Variants in ZNF358 observed in about 807,000 individuals in gnomAD.
ZNF358 encodes zinc finger protein 358.
ZNF358 carries 1 observed loss-of-function variant against 2.1 expected under a neutral mutation model. That is an observed-to-expected ratio of 0.49 (90% confidence interval 0.17 to 2.30). ZNF358 has a LOEUF of 2.30. Among genes scored for constraint, ZNF358 ranks in the 30% most tolerant of loss-of-function variants. The pLI is 0.26. For missense variants in ZNF358, 665 were observed against 806.8 expected (o/e 0.82, Z 2.13); for synonymous variants, 381 against 359.7 (o/e 1.06, Z -0.67).
At chr19:7,518,054 G>T (rs1029919392) in intron 1 of ZNF358, among the ~76,000 whole-genome samples, 1 of 152,212 alleles carries the variant, frequency 6.6e-6, no homozygotes, top group Non-Finnish European at 1.5e-5. Context: ...CCAGCAAGGG[G>T]GTAGGAAGCT....
At position 7,519,546 on chromosome 19, in the gene ZNF358, G is replaced by C; in HGVS notation, c.304G>C (p.Val102Leu). 1 of 1,605,474 alleles carries C rather than the reference G, an allele frequency of 6.2e-7. No homozygotes were observed. The highest frequency in any genetic ancestry group is 8.5e-7 in the Non-Finnish European group (1 of 1,179,926). The change falls in exon 2 of 2, where the codon GTA becomes CTA. Residue 102 changes from valine to leucine, a missense_variant. By Grantham distance (32) the Val-to-Leu change is conservative (BLOSUM62 1). Coordinates refer to ENST00000597229, the MANE Select transcript of ZNF358 (RefSeq NM_018083.5). ...FDLDPDVIGP[V>L]PLILDPNSDT... Reference sequence around the variant, plus strand: ...CCTCGATCCAGATGTGATTGGCCCCGTACCCCTGATTCTCGATCCTAACAG... The same window carrying C: ...CCTCGATCCAGATGTGATTGGCCCCCTACCCCTGATTCTCGATCCTAACAG...
chr19:7,517,324 G>A (rs543443758), intron 1 of ZNF358, among the ~76,000 whole-genome samples: 9 of 152,284 alleles, frequency 5.9e-5, no homozygotes, highest in African/African-American at 1.9e-4. Context: ...GCCATGGGAG[G>A]AGATGACTCA....
At chr19:7,519,176 C>A in intron 1 of ZNF358, 29 bp from the exon 2 acceptor site, 1 of 1,552,890 alleles carries the variant, frequency 6.4e-7, no homozygotes, top group Non-Finnish European at 8.7e-7. Context: ...AACCCACCTA[C>A]CCTCTACCCT....
chr19:7,517,614 C>T (rs1394034347), intron 1 of ZNF358, among the ~76,000 whole-genome samples: 3 of 152,052 alleles, frequency 2.0e-5, no homozygotes, highest in Non-Finnish European at 2.9e-5. Flanking sequence ...ACCATCCTGC[C>T]TATGGGGTTC....
At chr19:7,518,877 TA>T (rs2022400119) in intron 1 of ZNF358, among the ~76,000 whole-genome samples, 1 of 151,970 alleles carries the variant, frequency 6.6e-6, no homozygotes, top group Non-Finnish European at 1.5e-5. Flanking sequence ...CCAGCCTGTC[TA>T]ACATGCTGAA....
In ZNF358 at chr19:7,520,972, G is replaced by A. The variant is rs2022480304; in HGVS notation, c.*23G>A. On this transcript the variant is annotated 3_prime_UTR_variant, in exon 2 of 2. Coordinates refer to ENST00000597229, the MANE Select transcript of ZNF358 (RefSeq NM_018083.5). This position sits in a 1 kb window ranked among gnomAD's most constrained non-coding sequence, Gnocchi z 6.0. ...TGAAGGAGACGCCGGCATCCTCGGG[G>A]GCCTGGGGAAGTTGTGTGTTGTGCA... 1.2e-6 allele frequency: 2 copies of A among 1,606,574 alleles called. No individual in the cohort carries two copies. The highest frequency in any genetic ancestry group is 1.7e-6 in the Non-Finnish European group (2 of 1,175,438).
chr19:7,518,567 G>GAAAGAAAGAAAGAAAGAAAGA (rs2022388532), intron 1 of ZNF358, among the ~76,000 whole-genome samples: 1 of 143,002 alleles, frequency 7.0e-6, no homozygotes, highest in Non-Finnish European at 1.5e-5. Context: ...GAGAAAGAAA[G>GAAAGAAAGAAAGAAAGAAAGA]AAAGAAAGAA....
upstream of ZNF358, chr19:7,513,971 T>A (rs1309776982): frequency 6.6e-6 from 1 of 152,214 alleles, no homozygotes; most frequent in Non-Finnish European, 1.5e-5. Flanking sequence ...TTTGTTGGTT[T>A]GTGGTACAGG....
Position 7,520,573 on chromosome 19 carries a change from C to T in ZNF358, c.1331C>T (p.Ser444Phe). The change falls in exon 2 of 2, where the codon TCT becomes TTT. Residue 444 changes from serine to phenylalanine, a missense_variant. Transcript: ENST00000597229. The surrounding 1 kb of genome is among the most constrained non-coding windows in gnomAD (Gnocchi z 6.0). ...TCCCTCCTGGGTCCTGATGCTGTTT[C>T]TGTGCTCGGCTCTGGCTTGGGCCTC... ...QVSLLGPDAV[S>F]VLGSGLGLSP... 7.6e-7 allele frequency: 1 copy of T among 1,308,288 alleles called. No individual in the cohort carries two copies. The highest frequency in any genetic ancestry group is 1.1e-6 in the Non-Finnish European group (1 of 925,348). The allele number at this position is 1,308,288 out of a possible 1,614,324, so 81.0% of individuals were successfully genotyped here.
chr19:7,518,571 G>GAA (rs1304020295), intron 1 of ZNF358, among the ~76,000 whole-genome samples: 8 of 142,340 alleles, frequency 5.6e-5, no homozygotes, highest in Admixed American at 4.5e-4. Flanking sequence ...AAGAAAGAAA[G>GAA]AAAGAAAGAA....
Position 7,520,469 on chromosome 19 carries a change from TGCA to T in ZNF358, c.1230_1232del (p.Ala416del). The T allele has an allele frequency of 1.3e-5, 10 of 757,258 alleles. No homozygotes were observed. Among genetic ancestry groups the T allele is most frequent in the Non-Finnish European group, 1.9e-5 (10 of 519,574 alleles). The allele number at this position is 757,258 out of a possible 1,614,324, so 46.9% of individuals were successfully genotyped here. A position where few individuals can be genotyped will look rare whatever the true frequency, so the allele number is the denominator to read the frequency against. On this transcript the variant is annotated inframe_deletion, in exon 2 of 2. Transcript: ENST00000597229. This position sits in a 1 kb window ranked among gnomAD's most constrained non-coding sequence, Gnocchi z 6.0. ...CCGCTGCTGCAGCTGCCGCGGCCGC[TGCA>T]GCTGCAGCAGCGGCCGCCGGCCTGG...
intron 1 of ZNF358, among the ~76,000 whole-genome samples, chr19:7,517,753 C>T (rs1306040401): frequency 1.3e-5 from 2 of 152,254 alleles, no homozygotes; most frequent in South Asian, 2.1e-4. Context: ...CTGACTCCCA[C>T]CTGGAGCTGT....
intron 1 of ZNF358, among the ~76,000 whole-genome samples, chr19:7,518,557 G>GAAAGAAAGAA (rs3029870): frequency 0.012 from 1,359 of 116,146 alleles, 31 homozygotes; most frequent in East Asian, 0.048. Flanking sequence ...GAGAGAGAGA[G>GAAAGAAAGAA]AGAAAGAAAG....
rs572380922 is a variant in ZNF358, at chr19:7,516,472, C to T, written c.-39+223C>T. On this transcript the variant is annotated intron_variant, in intron 1 of 1. Transcript: ENST00000597229. This position sits in a 1 kb window ranked among gnomAD's most constrained non-coding sequence, Gnocchi z 5.9. ...GCGCACCCATCCCGCCGCTGGGGCC[C>T]GGGGGGAAAGGGCCAGGAGGTTGGG... Among the ~76,000 whole-genome samples, 6 of 139,674 alleles carry T rather than the reference C, an allele frequency of 4.3e-5. No individual in the cohort carries two copies. The South Asian group carries it at 6.8e-4, about 16-fold the overall frequency. 91.6% of individuals were successfully genotyped at this position (139,674 alleles called of 152,430 possible). A position where few individuals can be genotyped will look rare whatever the true frequency, so the allele number is the denominator to read the frequency against.
Position 7,516,785 on chromosome 19 carries a change from G to A in ZNF358, c.-39+536G>A, listed in dbSNP as rs551708814. 2.2e-4 allele frequency among the ~76,000 whole-genome samples: 34 copies of A among 152,116 alleles called. No individual in the cohort carries two copies. The highest frequency in any genetic ancestry group is 3.8e-4 in the Non-Finnish European group (26 of 67,940). Reference sequence around the variant, plus strand: ...TCCTTTCCCTGGAGGTGATCCAGGGGTCCACCTGCCCTCACCCCTGGGAAC... The same window carrying A: ...TCCTTTCCCTGGAGGTGATCCAGGGATCCACCTGCCCTCACCCCTGGGAAC... On this transcript the variant is annotated intron_variant, in intron 1 of 1. Coordinates refer to ENST00000597229, the MANE Select transcript of ZNF358 (RefSeq NM_018083.5). The surrounding 1 kb of genome is among the most constrained non-coding windows in gnomAD (Gnocchi z 5.9).
chr19:7,519,331 A>C lies in ZNF358; in HGVS notation c.89A>C (p.Asp30Ala). 1 of 1,613,682 alleles carries C rather than the reference A, an allele frequency of 6.2e-7. No homozygotes were observed. The highest frequency in any genetic ancestry group is 1.3e-5 in the African/African-American group (1 of 74,948). The stretch of plus-strand genomic sequence containing the variant: ...CTCGACTCTGACTCCGAGGACCTAG[A>C]CCCCAATCCTGAAGATCTGGACCCG... ...EELDSDSEDL[D>A]PNPEDLDPVS... The change falls in exon 2 of 2, where the codon GAC becomes GCC. Residue 30 changes from aspartate (D) to alanine (A), a missense_variant. Asp to Ala is a moderately radical substitution (Grantham distance 126). Around this residue, in one of 3 missense-constraint regions of ZNF358, gnomAD observed 206 missense variants for 228.4 expected, o/e 0.90. Coordinates refer to ENST00000597229, the MANE Select transcript of ZNF358 (RefSeq NM_018083.5).
chr19:7,520,206 C>G lies in ZNF358; in HGVS notation c.964C>G (p.Pro322Ala). 1.2e-6 allele frequency: 2 copies of G among 1,605,100 alleles called. No individual in the cohort carries two copies. Among genetic ancestry groups the G allele is most frequent in the South Asian group, 1.1e-5 (1 of 91,062 alleles). Residue 322 changes from proline (P) to alanine (A), a missense_variant, in exon 2 of 2, where the codon CCC becomes GCC. Around this residue, in one of 3 missense-constraint regions of ZNF358, gnomAD observed 210 missense variants for 350.8 expected, o/e 0.60. Coordinates refer to ENST00000597229, the MANE Select transcript of ZNF358 (RefSeq NM_018083.5). This position sits in a 1 kb window ranked among gnomAD's most constrained non-coding sequence, Gnocchi z 6.0. Reference sequence around the variant, plus strand: ...CACGGCCGAGCGCCCCTACCGCTGCCCCCACTGCGGCAAAGCCTTCGGGCA... The same window carrying G: ...CACGGCCGAGCGCCCCTACCGCTGCGCCCACTGCGGCAAAGCCTTCGGGCA... ...THTAERPYRC[P>A]HCGKAFGQSS... is the part of the protein sequence containing the mutation.
chr19:7,518,086 C>T (rs1365825678), intron 1 of ZNF358, among the ~76,000 whole-genome samples: 2 of 152,204 alleles, frequency 1.3e-5, no homozygotes, highest in Non-Finnish European at 2.9e-5. Context: ...CTCCACAGGA[C>T]CCCAGCTTCC....
rs779241777 is a variant in ZNF358 at position 7,520,124 on chromosome 19, G to A, written c.882G>A (p.Pro294=). The A allele has an allele frequency of 1.3e-6, 2 of 1,597,438 alleles. No individual in the cohort carries two copies. Among genetic ancestry groups the A allele is most frequent in the Non-Finnish European group, 1.7e-6 (2 of 1,177,776 alleles). Reference sequence around the variant, plus strand: ...CGGGCGAGCGGCCCTACCCGTGTCCGCAGTGCGGCAAGGCCTTCGGGCAGA... The same window carrying A: ...CGGGCGAGCGGCCCTACCCGTGTCCACAGTGCGGCAAGGCCTTCGGGCAGA... ...THTGERPYPC[P]QCGKAFGQSS... Residue 294 remains proline, a synonymous_variant, in exon 2 of 2, where the codon CCG becomes CCA. Coordinates refer to ENST00000597229, the MANE Select transcript of ZNF358 (RefSeq NM_018083.5). The surrounding 1 kb of genome is among the most constrained non-coding windows in gnomAD (Gnocchi z 6.0).
Sources: allele counts gnomAD v4.1 joint callset (sites outside exome capture counted in the v4.1 genomes callset), GRCh38; gene constraint gnomAD v4.1.1; regional missense constraint gnomAD v4.1.1; non-coding constraint Gnocchi (gnomAD v3.1); transcripts MANE v1.5; gene names NCBI Gene and HGNC (gene_info 2026-07-23, HGNC 2026-07-21).